The following FAM9A variants were observed in gnomAD, a reference collection of about 807,000 sequenced individuals.
The protein encoded by FAM9A is protein FAM9A.
In FAM9A, 49 loss-of-function variants were observed where a neutral mutation model predicts 25.0. That is an observed-to-expected ratio of 1.96 (90% CI 1.56 to 2.48). The LOEUF is 2.48. Among genes scored for constraint, FAM9A ranks in the 30% most tolerant of loss-of-function variants. The probability of loss-of-function intolerance (pLI) is 0.00; values close to 1 mark genes in which losing one functional copy is unlikely to be tolerated. For missense variants in FAM9A, 266 were observed against 249.3 expected (o/e 1.07, Z -0.45); for synonymous variants, 80 against 85.1 (o/e 0.94, Z 0.33).
In FAM9A at chrX:8,798,147, T is replaced by C. The variant is rs778764949; in HGVS notation, c.373+3A>G. On this transcript the variant is annotated splice_donor_region_variant and intron_variant, in intron 5 of 9. Transcript: ENST00000381003. ...AAGACTACGAATAGCTCCTAAAACA[T>C]ACCTGCAATATGTTCTAGCTTCATG... The C allele has an allele frequency of 5.0e-6, 6 of 1,202,707 alleles. No homozygotes were observed. Among genetic ancestry groups the C allele is most frequent in the Non-Finnish European group, 6.7e-6 (6 of 890,392 alleles).
At position 8,795,116 on chromosome X, in the gene FAM9A, C is replaced by T; in HGVS notation, c.793G>A (p.Glu265Lys). The T allele has an allele frequency of 3.5e-6, 4 of 1,159,024 alleles. No individual in the cohort carries two copies. The highest frequency in any genetic ancestry group is 4.6e-6 in the Non-Finnish European group (4 of 861,252). ...GGEGEETEEE[E>K]EEEEEEEEEE... is the part of the protein sequence containing the mutation. Reference sequence around the variant, plus strand: ...TCTTCCTCTTCTTCTTCTTCCTCTTCCTCTTCTTCTGTTTCTTCTCCTTCT... The same window carrying T: ...TCTTCCTCTTCTTCTTCTTCCTCTTTCTCTTCTTCTGTTTCTTCTCCTTCT... The change falls in exon 7 of 10, where the codon GAA (glutamate) becomes AAA (lysine). Residue 265 changes from glutamate to lysine, a missense_variant. Coordinates refer to ENST00000381003, the MANE Select transcript of FAM9A (RefSeq NM_174951.3).
At chrX:8,794,121 A>G (rs768633732) in intron 7 of FAM9A, among the ~76,000 whole-genome samples, 1 of 111,958 alleles carries the variant, frequency 8.9e-6, no homozygotes, top group Non-Finnish European at 1.9e-5. Context: ...AAGATTTTAA[A>G]CAGGTAATAA....
intron 9 of FAM9A, 38 bp downstream of exon 9, chrX:8,791,242 C>A (rs1451838185): frequency 4.2e-6 from 4 of 950,613 alleles, no homozygotes; most frequent in Non-Finnish European, 5.8e-6. Flanking sequence ...GTGCTTACAT[C>A]AATCCTGAGT....
chrX:8,797,147 T>C (rs1478276754), intron 5 of FAM9A, among the ~76,000 whole-genome samples: 1 of 112,215 alleles, frequency 8.9e-6, no homozygotes, highest in Non-Finnish European at 1.9e-5. Context: ...CCATCTATAA[T>C]GCTCAGTTAG....
intron 5 of FAM9A, among the ~76,000 whole-genome samples, 190 bp downstream of exon 5, chrX:8,797,960 A>G (rs1255867449): frequency 5.4e-5 from 6 of 111,984 alleles, no homozygotes; most frequent in African/African-American, 2.0e-4. Context: ...CTCACATTCC[A>G]CATCAACAAT....
intron 6 of FAM9A, among the ~76,000 whole-genome samples, 174 bp from the exon 7 acceptor site, chrX:8,795,594 T>A: frequency 8.9e-6 from 1 of 111,931 alleles, no homozygotes. Flanking sequence ...TCTGAAAGGA[T>A]CCCTTCCTAA....
At chrX:8,793,258 T>C (rs759253604) in intron 8 of FAM9A, among the ~76,000 whole-genome samples, 2 of 112,347 alleles carry the variant, frequency 1.8e-5, no homozygotes, top group Non-Finnish European at 3.8e-5. Flanking sequence ...AACCCATTTA[T>C]GCCTAGTGTT....
intron 8 of FAM9A, among the ~76,000 whole-genome samples, chrX:8,791,864 C>T (rs1376954409): frequency 1.8e-5 from 2 of 111,648 alleles, no homozygotes; most frequent in Non-Finnish European, 3.8e-5. Context: ...ACAGTTCCTA[C>T]TCCTGAAAAT....
Position 8,793,733 on chromosome X carries a change from C to G in FAM9A, c.855G>C (p.Lys285Asn). The G allele has an allele frequency of 8.3e-7, 1 of 1,208,986 alleles. No homozygotes were observed. Among genetic ancestry groups the G allele is most frequent in the Non-Finnish European group, 1.1e-6 (1 of 894,080 alleles). ...EQIKAFQEKQ[K>N]RWQQPTGVRS... ...TAACACCTGTAGGTTGTTGCCACCT[C>G]TTCTGTTTTTCTTGAAATGCTTTCT... Residue 285 changes from lysine (K) to asparagine (N), a missense_variant, in exon 8 of 10, where the codon AAG becomes AAC. Transcript: ENST00000381003.
At chrX:8,796,991 C>T (rs1211862126) in intron 5 of FAM9A, among the ~76,000 whole-genome samples, 1 of 112,405 alleles carries the variant, frequency 8.9e-6, no homozygotes, top group Non-Finnish European at 1.9e-5. Flanking sequence ...TTTTTATCCA[C>T]AGTGCTGTGT....
chrX:8,795,096 C>CTCTTCT lies in FAM9A; in HGVS notation c.807_812dup (p.Glu274_Glu275dup). The CTCTTCT allele has an allele frequency of 3.4e-6, 4 of 1,169,221 alleles. 1 individual carries two copies. The South Asian group carries it at 8.1e-5, about 24-fold the overall frequency. On this transcript the variant is annotated inframe_insertion, in exon 7 of 10. Transcript: ENST00000381003. ...TACCAACAATTTGTTCTTCCTCTTC[C>CTCTTCT]TCTTCTTCTTCTTCCTCTTCCTCTT...
At chrX:8,793,041 GA>G (rs1232868933) in intron 8 of FAM9A, among the ~76,000 whole-genome samples, 1 of 112,033 alleles carries the variant, frequency 8.9e-6, no homozygotes, top group Admixed American at 9.5e-5. Flanking sequence ...TGATAATTTT[GA>G]AAGTGAATAT....
At chrX:8,791,758 T>C (rs1225944730) in intron 8 of FAM9A, among the ~76,000 whole-genome samples, 1 of 111,634 alleles carries the variant, frequency 9.0e-6, no homozygotes, top group East Asian at 2.8e-4. Flanking sequence ...GTGGTTTCCA[T>C]TGAAGGGATA....
In FAM9A at chrX:8,800,064, T is replaced by A; in HGVS notation, c.91+17A>T. ...CCCCGCGCAGAGAGCAAACAGACCA[T>A]CTCCTTGGGCGTGCACCTTCTTTCG... On this transcript the variant is annotated intron_variant, in intron 2 of 9. Coordinates refer to ENST00000381003, the MANE Select transcript of FAM9A (RefSeq NM_174951.3). 1 of 1,206,434 alleles carries A rather than the reference T, an allele frequency of 8.3e-7. No homozygotes were observed. Among genetic ancestry groups the A allele is most frequent in the African/African-American group, 1.8e-5 (1 of 56,797 alleles).
At chrX:8,794,933 A>G in intron 7 of FAM9A, 145 bp downstream of exon 7, 1 of 896,081 alleles carries the variant, frequency 1.1e-6, no homozygotes, top group Non-Finnish European at 1.5e-6. Context: ...CGTGGCAATT[A>G]TATTCCCCTA....
At chrX:8,801,257 G>C (rs926861291) in intron 1 of FAM9A, 54 bp downstream of exon 1, 1 of 107,891 alleles carries the variant, frequency 9.3e-6, no homozygotes, top group Non-Finnish European at 1.9e-5. Context: ...TCACACCCTG[G>C]TTGCGAGAGG....
rs945206003 is a variant in FAM9A, at chrX:8,800,198, C to T, written c.-27G>A. 33 of 1,199,335 alleles carry T rather than the reference C, an allele frequency of 2.8e-5. No homozygotes were observed. The highest frequency in any genetic ancestry group is 3.6e-5 in the Non-Finnish European group (32 of 888,545). On this transcript the variant is annotated 5_prime_UTR_variant, in exon 2 of 10. Coordinates refer to ENST00000381003, the MANE Select transcript of FAM9A (RefSeq NM_174951.3). The stretch of plus-strand genomic sequence containing the variant: ...GTTGGCTGTCCTGGGAAGTTAGAGG[C>T]GATCCCTGAACCTGGTTGAGTGCAA...
At chrX:8,800,004 C>A (rs1162617992) in intron 2 of FAM9A, 77 bp downstream of exon 2, 310 of 1,088,898 alleles carry the variant, frequency 2.8e-4, no homozygotes, top group Admixed American at 1.0e-3. Context: ...TCCAAAGCCA[C>A]AAAGGGGCCA....
At chrX:8,794,506 G>A (rs1266534826) in intron 7 of FAM9A, among the ~76,000 whole-genome samples, 1 of 111,544 alleles carries the variant, frequency 9.0e-6, no homozygotes, top group East Asian at 2.8e-4. Context: ...TCAAGCTGGA[G>A]TTGAATTACA....
Sources: allele counts gnomAD v4.1 joint callset (sites outside exome capture counted in the v4.1 genomes callset), GRCh38; gene constraint gnomAD v4.1.1; transcripts MANE v1.5; gene names NCBI Gene and HGNC (gene_info 2026-07-23, HGNC 2026-07-21).